The following D2HGDH variants were observed in gnomAD, a reference collection of about 807,000 sequenced individuals.
D2HGDH encodes the protein D-2-hydroxyglutarate dehydrogenase, mitochondrial.
D2HGDH carries 31 observed loss-of-function variants against 46.9 expected under a neutral mutation model. The ratio of observed to expected loss-of-function variants is 0.66; its 90% CI spans 0.50 to 0.89. D2HGDH has a LOEUF of 0.89. Among genes scored for constraint, D2HGDH ranks in the 40% least tolerant of loss-of-function variants. D2HGDH has a pLI of 0.00. For missense variants in D2HGDH, 698 were observed against 720.8 expected (o/e 0.97, Z 0.36); for synonymous variants, 364 against 332.6 (o/e 1.09, Z -1.03).
intron 6 of D2HGDH, chr2:241,748,967 C>T (rs922111347): frequency 3.1e-5 from 40 of 1,273,934 alleles, no homozygotes; most frequent in Non-Finnish European, 3.7e-5. Flanking sequence ...TCACTCGCCT[C>T]TTCGTGCCAC....
At chr2:241,755,077 G>T in intron 8 of D2HGDH, 1 of 1,303,556 alleles carries the variant, frequency 7.7e-7, no homozygotes, top group Non-Finnish European at 1.0e-6. Context: ...GCAAGCAAAA[G>T]CCACGCAAAC....
At chr2:241,758,422 T>C (rs911991160) in intron 9 of D2HGDH, among the ~76,000 whole-genome samples, 6 of 152,222 alleles carry the variant, frequency 3.9e-5, no homozygotes, top group African/African-American at 7.2e-5. Flanking sequence ...CATATTGGCA[T>C]AAAGTTGTTC....
Position 241,743,926 on chromosome 2 carries a change from T to G in D2HGDH, c.684+111T>G. On this transcript the variant is annotated intron_variant, in intron 5 of 9. Transcript: ENST00000321264. The surrounding 1 kb of genome is among the most constrained non-coding windows in gnomAD (Gnocchi z 4.8). Reference sequence around the variant, plus strand: ...ATGGGGCCCCTCGGGGTGGGAGGTCTTGGTTCCTGGCCCTGGGCCCCTCAA... The same window carrying G: ...ATGGGGCCCCTCGGGGTGGGAGGTCGTGGTTCCTGGCCCTGGGCCCCTCAA... 1 of 1,264,612 alleles carries G rather than the reference T, an allele frequency of 7.9e-7. No homozygotes were observed. The allele number at this position is 1,264,612 out of a possible 1,614,324, so 78.3% of individuals were successfully genotyped here. A position where few individuals can be genotyped will look rare whatever the true frequency, so the allele number is the denominator to read the frequency against.
In D2HGDH at chr2:241,743,460, G is replaced by C. The variant is rs149429181; in HGVS notation, c.491-162G>C. ...GGTCCTGTGAGGCCCAGATGTTTTC[G>C]TCCTTGGGCCAGCGATGTGGGGGTG... On this transcript the variant is annotated intron_variant, in intron 4 of 9. Transcript: ENST00000321264. This position sits in a 1 kb window ranked among gnomAD's most constrained non-coding sequence, Gnocchi z 4.8. Among the ~76,000 whole-genome samples the C allele has an allele frequency of 6.6e-6, 1 of 151,826 alleles. No individual in the cohort carries two copies. Among genetic ancestry groups the C allele is most frequent in the South Asian group, 2.1e-4 (1 of 4,810 alleles).
chr2:241,754,091 ATGG>A (rs1458703549), intron 8 of D2HGDH, among the ~76,000 whole-genome samples: 3 of 152,178 alleles, frequency 2.0e-5, no homozygotes, highest in Admixed American at 6.5e-5. Context: ...CCTTCCAGAG[ATGG>A]TGGGTGTGGA....
At chr2:241,756,771 T>C (rs1042730031) in intron 9 of D2HGDH, among the ~76,000 whole-genome samples, 1 of 152,176 alleles carries the variant, frequency 6.6e-6, no homozygotes, top group Non-Finnish European at 1.5e-5. Context: ...ATCTGCCCAC[T>C]TCGGCCTCTC....
chr2:241,735,439 G>T lies in D2HGDH; in HGVS notation c.215G>T (p.Arg72Leu), dbSNP rs1345261679. The change falls in exon 2 of 10, where the codon CGC (arginine) becomes CTC (leucine). Residue 72 changes from arginine (R) to leucine (L), a missense_variant. Physicochemically the swap from Arg to Leu is moderately radical, Grantham distance 102. Coordinates refer to ENST00000321264, the MANE Select transcript of D2HGDH (RefSeq NM_152783.5). ...AAGCAGGACCTGGCCGCCTTTGAGC[G>T]CATCGTGCCCGGCGGGGTCGTCACG... ...VSKQDLAAFE[R>L]IVPGGVVTDP... 1 of 1,609,432 alleles carries T rather than the reference G, an allele frequency of 6.2e-7. No homozygotes were observed. Among genetic ancestry groups the T allele is most frequent in the Non-Finnish European group, 8.5e-7 (1 of 1,179,460 alleles).
intron 8 of D2HGDH, among the ~76,000 whole-genome samples, chr2:241,752,574 C>T (rs977200303): frequency 9.2e-5 from 14 of 152,074 alleles, no homozygotes; most frequent in Admixed American, 2.6e-4. Flanking sequence ...TCCAGGGGCC[C>T]GGGCTGAGGC....
intron 9 of D2HGDH, among the ~76,000 whole-genome samples, chr2:241,758,757 G>A (rs140576009): frequency 0.015 from 2,017 of 135,824 alleles, 47 homozygotes; most frequent in African/African-American, 0.051. Context: ...ACCGCCCCCC[G>A]CCCCACAATA....
Position 241,768,155 on chromosome 2 carries a change from T to C in D2HGDH, c.*186T>C, listed in dbSNP as rs1011261148. The C allele has an allele frequency of 4.2e-5, 38 of 909,516 alleles. No individual in the cohort carries two copies. The highest frequency in any genetic ancestry group is 6.1e-5 in the Non-Finnish European group (38 of 624,034). 56.3% of individuals were successfully genotyped at this position (909,516 alleles called of 1,614,324 possible). A position where few individuals can be genotyped will look rare whatever the true frequency, so the allele number is the denominator to read the frequency against. On this transcript the variant is annotated 3_prime_UTR_variant, in exon 10 of 10. Coordinates refer to ENST00000321264, the MANE Select transcript of D2HGDH (RefSeq NM_152783.5). Reference sequence around the variant, plus strand: ...CCTCGGGCAGGAGCATCTGGCAGAGTGGGGGGCGTGGCAGGCACCCTCCTT... The same window carrying C: ...CCTCGGGCAGGAGCATCTGGCAGAGCGGGGGGCGTGGCAGGCACCCTCCTT...
chr2:241,737,596 T>C (rs1693278328), intron 2 of D2HGDH, among the ~76,000 whole-genome samples: 1 of 152,190 alleles, frequency 6.6e-6, no homozygotes, highest in Non-Finnish European at 1.5e-5. Context: ...GTCAAGCGAT[T>C]TTCCTGTCTC....
In D2HGDH at chr2:241,742,709, T is replaced by A; in HGVS notation, c.490+135T>A. Reference sequence around the variant, plus strand: ...GCCGGCGCTGGGGAAAGAACCAGCGTCTGTAGCCTGGCCGCCTAGCCCCAC... The same window carrying A: ...GCCGGCGCTGGGGAAAGAACCAGCGACTGTAGCCTGGCCGCCTAGCCCCAC... On this transcript the variant is annotated intron_variant, in intron 4 of 9. Coordinates refer to ENST00000321264, the MANE Select transcript of D2HGDH (RefSeq NM_152783.5). This position sits in a 1 kb window ranked among gnomAD's most constrained non-coding sequence, Gnocchi z 4.8. 1 of 1,192,838 alleles carries A rather than the reference T, an allele frequency of 8.4e-7. No individual in the cohort carries two copies. Among genetic ancestry groups the A allele is most frequent in the Non-Finnish European group, 1.2e-6 (1 of 816,906 alleles). The allele number at this position is 1,192,838 out of a possible 1,614,324, so 73.9% of individuals were successfully genotyped here.
chr2:241,756,100 G>A, intron 9 of D2HGDH, 86 bp downstream of exon 9: 1 of 1,485,498 alleles, frequency 6.7e-7, no homozygotes. Flanking sequence ...TTCGAGGCAG[G>A]GCAGTTTGAC....
intron 7 of D2HGDH, 84 bp downstream of exon 7, chr2:241,750,378 G>C (rs1345831405): frequency 6.5e-7 from 1 of 1,550,296 alleles, no homozygotes; most frequent in Non-Finnish European, 8.7e-7. Flanking sequence ...GAGACCCCGG[G>C]TGGGCGGGGG....
intron 6 of D2HGDH, among the ~76,000 whole-genome samples, chr2:241,748,599 C>T (rs1427693260): frequency 6.6e-6 from 1 of 152,246 alleles, no homozygotes; most frequent in Non-Finnish European, 1.5e-5. Context: ...TGTCCTCCCA[C>T]AGCCAACCCA....
chr2:241,762,008 G>T (rs1019273108), intron 9 of D2HGDH, among the ~76,000 whole-genome samples: 1 of 151,442 alleles, frequency 6.6e-6, no homozygotes, highest in African/African-American at 2.4e-5. Flanking sequence ...GTTCAGGGCA[G>T]TTCCCTTCGG....
Position 241,751,283 on chromosome 2 carries a change from C to A in D2HGDH, c.1035C>A (p.Ser345=), listed in dbSNP as rs1409021035. The part of the protein sequence containing the change: ...PFYVLIETSG[S]NAGHDAEKLG... ...ACGTCCTCATCGAGACTTCAGGCTC[C>A]AACGCAGGCCATGACGCTGAGAAGC... is the stretch of plus-strand genomic sequence containing the variant. The change falls in exon 8 of 10, where the codon TCC becomes TCA. Residue 345 remains serine (S), a synonymous_variant. Transcript: ENST00000321264. 6.2e-7 allele frequency: 1 copy of A among 1,614,030 alleles called. No homozygotes were observed. Among genetic ancestry groups the A allele is most frequent in the Admixed American group, 1.7e-5 (1 of 60,028 alleles).
rs1227421104 is a variant in D2HGDH at position 241,743,981 on chromosome 2, T to A, written c.684+166T>A. On this transcript the variant is annotated intron_variant, in intron 5 of 9. Transcript: ENST00000321264. The surrounding 1 kb of genome is among the most constrained non-coding windows in gnomAD (Gnocchi z 4.8). Reference sequence around the variant, plus strand: ...GTGTGGGCTACATACACCCCCATCCTGAGGGAGGCCTGGCCCTGCCCTGTC... The same window carrying A: ...GTGTGGGCTACATACACCCCCATCCAGAGGGAGGCCTGGCCCTGCCCTGTC... Among the ~76,000 whole-genome samples, 1 of 152,212 alleles carries A rather than the reference T, an allele frequency of 6.6e-6. No homozygotes were observed. The highest frequency in any genetic ancestry group is 1.5e-5 in the Non-Finnish European group (1 of 68,036).
chr2:241,754,715 C>T (rs919517869), intron 8 of D2HGDH: 19 of 208,556 alleles, frequency 9.1e-5, no homozygotes, highest in Admixed American at 3.2e-4. Flanking sequence ...GCAATCCTCC[C>T]GCCTCAGCCT....
Sources: allele counts gnomAD v4.1 joint callset (sites outside exome capture counted in the v4.1 genomes callset), GRCh38; gene constraint gnomAD v4.1.1; non-coding constraint Gnocchi (gnomAD v3.1); transcripts MANE v1.5; gene names NCBI Gene and HGNC (gene_info 2026-07-23, HGNC 2026-07-21).